DIAPH2: variants seen among roughly 807,000 people sequenced by gnomAD.
The protein encoded by DIAPH2 is diaphanous related formin 2, also known as protein diaphanous homolog 2.
A neutral mutation model predicts 92.7 loss-of-function variants in DIAPH2; 35 were observed. The observed-to-expected ratio is 0.38, with a 90% CI of 0.29 to 0.50. The LOEUF is 0.50. Ranked by LOEUF, DIAPH2 falls within the 20% of genes least tolerant of loss-of-function variation. The pLI, the probability that DIAPH2 is intolerant of heterozygous loss-of-function variation, is 0.94. For missense variants in DIAPH2, 701 were observed against 819.5 expected, an observed-to-expected ratio of 0.86 and a Z score of 1.77; for synonymous variants, 301 against 280.4, an observed-to-expected ratio of 1.07 and a Z score of -0.73.
intron 23 of DIAPH2, among the ~76,000 whole-genome samples, chrX:97,248,637 T>A (rs1031216651): frequency 9.0e-6 from 1 of 111,694 alleles, no homozygotes. Flanking sequence ...GAACTGCAGA[T>A]TGATTCACCA....
rs759264651 is a variant in DIAPH2 at position 97,400,981 on chromosome X, G to A, written c.3145+16937G>A. ...TCCTGGGCTCAAGTGATCCTCCTGC[G>A]TCAGCCTCCCCACTAGCTAGGATTA... On this transcript the variant is annotated intron_variant, in intron 25 of 26. Transcript: ENST00000324765. 4.7e-5 allele frequency among the ~76,000 whole-genome samples: 5 copies of A among 106,942 alleles called. No homozygotes were observed. In the East Asian group the frequency reaches 1.2e-3, roughly 25 times the overall value. The allele number at this position is 106,942 out of a possible 115,157, so 92.9% of individuals were successfully genotyped here. A position where few individuals can be genotyped will look rare whatever the true frequency, so the allele number is the denominator to read the frequency against.
At chrX:97,056,693 A>G (rs1374968138) in intron 17 of DIAPH2, among the ~76,000 whole-genome samples, 1 of 111,296 alleles carries the variant, frequency 9.0e-6, no homozygotes, top group East Asian at 2.8e-4. Flanking sequence ...TGTATATCTC[A>G]CTCTATTAGA....
chrX:97,014,276 C>T (rs974674219), intron 17 of DIAPH2, among the ~76,000 whole-genome samples: 17 of 111,315 alleles, frequency 1.5e-4, no homozygotes, highest in Non-Finnish European at 3.0e-4. Flanking sequence ...GAAAGGAATT[C>T]GGGGGAAATT....
chrX:97,440,594 C>CAAAAAA (rs775916074), intron 26 of DIAPH2, among the ~76,000 whole-genome samples: 10 of 39,275 alleles, frequency 2.5e-4, no homozygotes, highest in Non-Finnish European at 3.4e-4. Context: ...CTTCGTCTCA[C>CAAAAAA]AAAAAAAAAA....
chrX:97,292,270 G>A (rs2068598451), intron 23 of DIAPH2, among the ~76,000 whole-genome samples: 1 of 110,362 alleles, frequency 9.1e-6, no homozygotes, highest in Non-Finnish European at 1.9e-5. Flanking sequence ...CTGGGCTCAA[G>A]CAGTCCTCCT....
In DIAPH2 at chrX:97,073,773, G is replaced by C. The variant is rs1383002406; in HGVS notation, c.2152+731G>C. Reference sequence around the variant, plus strand: ...GGAGCTTATTTTGTTAAGGAATGTGGTATAGGGAATCATTACAATAAACAA... The same window carrying C: ...GGAGCTTATTTTGTTAAGGAATGTGCTATAGGGAATCATTACAATAAACAA... On this transcript the variant is annotated intron_variant, in intron 18 of 26. Coordinates refer to ENST00000324765, the MANE Select transcript of DIAPH2 (RefSeq NM_006729.5). Among the ~76,000 whole-genome samples, 3 of 112,279 alleles carry C rather than the reference G, an allele frequency of 2.7e-5. No individual in the cohort carries two copies. The South Asian group carries it at 1.1e-3, about 41-fold the overall frequency.
chrX:97,126,684 T>G (rs776966100), intron 21 of DIAPH2, among the ~76,000 whole-genome samples: 2 of 112,215 alleles, frequency 1.8e-5, no homozygotes, highest in Non-Finnish European at 3.8e-5. Flanking sequence ...AAAAATAAAT[T>G]ATGTTGCTCA....
chrX:97,400,730 A>G (rs1312339793), intron 25 of DIAPH2, among the ~76,000 whole-genome samples: 1 of 110,948 alleles, frequency 9.0e-6, no homozygotes, highest in Non-Finnish European at 1.9e-5. Flanking sequence ...TATGAGATTG[A>G]CTTTTTTAGA....
chrX:96,956,180 C>T (rs765642680), intron 15 of DIAPH2, among the ~76,000 whole-genome samples: 27 of 113,049 alleles, frequency 2.4e-4, no homozygotes, highest in South Asian at 1.1e-3. Flanking sequence ...GGCTCAACAC[C>T]GCTTGGAAGT....
intron 23 of DIAPH2, among the ~76,000 whole-genome samples, chrX:97,280,206 G>A (rs1015217117): frequency 1.6e-4 from 18 of 111,018 alleles, no homozygotes; most frequent in Middle Eastern, 4.7e-3. Context: ...CGGGCGCGGT[G>A]GCTCACGCCT....
intron 5 of DIAPH2, among the ~76,000 whole-genome samples, chrX:96,899,202 C>A (rs1386515836): frequency 9.3e-6 from 1 of 107,073 alleles, no homozygotes; most frequent in Admixed American, 1.0e-4. Flanking sequence ...ATTGACTTGG[C>A]GATGTGGGCT....
intron 21 of DIAPH2, among the ~76,000 whole-genome samples, chrX:97,137,644 G>A (rs902141839): frequency 1.8e-5 from 2 of 110,578 alleles, no homozygotes; most frequent in Non-Finnish European, 3.8e-5. Flanking sequence ...CAAAAAGGAA[G>A]GGCGTCCACA....
intron 24 of DIAPH2, among the ~76,000 whole-genome samples, chrX:97,375,915 G>A (rs1177320764): frequency 9.0e-6 from 1 of 111,584 alleles, no homozygotes; most frequent in African/African-American, 3.3e-5. Flanking sequence ...AGGGAACCAA[G>A]TGTGGGCTAA....
intron 4 of DIAPH2, among the ~76,000 whole-genome samples, chrX:96,773,989 GT>G (rs1433555379): frequency 8.9e-6 from 1 of 112,232 alleles, no homozygotes; most frequent in African/African-American, 3.2e-5. Flanking sequence ...AACTAATACA[GT>G]ATGTAACAGT....
intron 25 of DIAPH2, among the ~76,000 whole-genome samples, chrX:97,418,805 C>G (rs762722487): frequency 1.8e-5 from 2 of 111,931 alleles, no homozygotes; most frequent in African/African-American, 6.5e-5. Context: ...AACCTCTCTT[C>G]TCTTTTTTGT....
chrX:97,032,596 G>C (rs2066383903), intron 17 of DIAPH2, among the ~76,000 whole-genome samples: 1 of 108,699 alleles, frequency 9.2e-6, no homozygotes, highest in Non-Finnish European at 1.9e-5. Context: ...TTAAGCTCTT[G>C]GGGGGCCAGT....
At chrX:97,519,741 A>AT (rs1466621581) in intron 26 of DIAPH2, among the ~76,000 whole-genome samples, 2 of 109,221 alleles carry the variant, frequency 1.8e-5, no homozygotes, top group Non-Finnish European at 3.8e-5. Flanking sequence ...TTTTATTTTT[A>AT]TTTTTTTTGA....
chrX:97,533,669 G>C (rs147332785), intron 26 of DIAPH2, among the ~76,000 whole-genome samples: 13 of 110,798 alleles, frequency 1.2e-4, no homozygotes, highest in Non-Finnish European at 2.3e-4. Flanking sequence ...TATTTTCTCT[G>C]TTTCAACTAA....
At chrX:97,415,604 C>A (rs1569391395) in intron 25 of DIAPH2, among the ~76,000 whole-genome samples, 1 of 103,862 alleles carries the variant, frequency 9.6e-6, no homozygotes, top group Non-Finnish European at 1.9e-5. Flanking sequence ...ATCACAGGGA[C>A]AGAAAACCAA....
Sources: gnomAD v4.1 joint callset for allele counts (sites outside exome capture counted in the v4.1 genomes callset) on GRCh38, gnomAD v4.1.1 for gene constraint, MANE v1.5 for transcripts, NCBI Gene and HGNC (gene_info 2026-07-23, HGNC 2026-07-21) for gene names.